The following TMOD2 variants were observed in gnomAD, a reference collection of about 807,000 sequenced individuals.
TMOD2 encodes tropomodulin 2.
Under a neutral mutation model 39.9 loss-of-function variants are expected in TMOD2, and 22 were observed. The observed-to-expected ratio is 0.55, with a 90% CI of 0.39 to 0.79. The LOEUF is 0.79. TMOD2 is among the 30% of genes least tolerant of loss of function. TMOD2 has a pLI of 0.00. For synonymous variants in TMOD2, 123 were observed against 146.1 expected, an observed-to-expected ratio of 0.84 and a Z score of 1.14; for missense variants, 386 against 413.3, an observed-to-expected ratio of 0.93 and a Z score of 0.57.
At chr15:51,795,428 C>CAA (rs35847443) in intron 7 of TMOD2, among the ~76,000 whole-genome samples, 81 of 104,538 alleles carry the variant, frequency 7.7e-4, no homozygotes, top group South Asian at 2.2e-3. Flanking sequence ...GACTTTGTCT[C>CAA]AAAAAAAAAA....
At chr15:51,777,482 C>T (rs1333610939) in intron 5 of TMOD2, among the ~76,000 whole-genome samples, 1 of 152,120 alleles carries the variant, frequency 6.6e-6, no homozygotes, top group Non-Finnish European at 1.5e-5. Context: ...GTCCACTTCC[C>T]TCAGAGGGCA....
intron 1 of TMOD2, among the ~76,000 whole-genome samples, chr15:51,758,158 G>GT (rs922712103): frequency 3.7e-4 from 55 of 149,488 alleles, no homozygotes; most frequent in African/African-American, 9.6e-4. Flanking sequence ...GAGGATGCAA[G>GT]TTTTTTTTTT....
At chr15:51,772,705 TGC>T (rs1008847151) in intron 3 of TMOD2, among the ~76,000 whole-genome samples, 3 of 152,152 alleles carry the variant, frequency 2.0e-5, no homozygotes, top group African/African-American at 7.2e-5. Context: ...CAATCATGCC[TGC>T]TTTGGAGACT....
intron 1 of TMOD2, among the ~76,000 whole-genome samples, chr15:51,758,921 G>A (rs1452618014): frequency 6.6e-6 from 1 of 152,206 alleles, no homozygotes; most frequent in Non-Finnish European, 1.5e-5. Context: ...AGGAGATGGG[G>A]AGTGCAGCAC....
At chr15:51,789,104 C>T (rs1485653533) in intron 7 of TMOD2, among the ~76,000 whole-genome samples, 2 of 151,956 alleles carry the variant, frequency 1.3e-5, no homozygotes, top group Admixed American at 1.3e-4. Flanking sequence ...TGTGCTGTAC[C>T]CAGGAGACCC....
At chr15:51,757,624 A>G (rs4502160) in intron 1 of TMOD2, among the ~76,000 whole-genome samples, 72,796 of 151,888 alleles carry the variant, frequency 0.48, 17,732 homozygotes, top group Admixed American at 0.54. Context: ...CATTAGCATC[A>G]TATTGCATGT....
chr15:51,755,180 T>G (rs576075934), intron 1 of TMOD2, among the ~76,000 whole-genome samples: 1 of 152,354 alleles, frequency 6.6e-6, no homozygotes, highest in African/African-American at 2.4e-5. Context: ...TACGTAACTT[T>G]AAGGCTTCGT....
At chr15:51,764,085 TAA>T (rs34484778) in intron 1 of TMOD2, among the ~76,000 whole-genome samples, 2,790 of 148,158 alleles carry the variant, frequency 0.019, 92 homozygotes, top group African/African-American at 0.065. Context: ...ATTAAAGATT[TAA>T]AAAAAAAAAA....
rs534687908 is a variant in TMOD2 at position 51,786,472 on chromosome 15, G to C, written c.732+3644G>C. On this transcript the variant is annotated intron_variant, in intron 7 of 9. Transcript: ENST00000249700. Reference sequence around the variant, plus strand: ...GAATCAGTGAAGCCCTGTGCAATTGGCATCCGTTTAGACATGTCCCCATTT... The same window carrying C: ...GAATCAGTGAAGCCCTGTGCAATTGCCATCCGTTTAGACATGTCCCCATTT... 4.6e-5 allele frequency among the ~76,000 whole-genome samples: 7 copies of C among 152,106 alleles called. No individual in the cohort carries two copies. In the South Asian group the frequency reaches 1.2e-3, roughly 27 times the overall value.
At position 51,768,367 on chromosome 15, in the gene TMOD2, T is replaced by G. The variant is rs1206052930; in HGVS notation, c.232T>G (p.Leu78Val). 6.2e-7 allele frequency: 1 copy of G among 1,613,994 alleles called. No individual in the cohort carries two copies. Among genetic ancestry groups the G allele is most frequent in the South Asian group, 1.1e-5 (1 of 91,070 alleles). ...CCTCATGTACCTGGAGAAGGAGGCT[T>G]TGGAACAGAAAGACAGAGAGGACTT... is the stretch of plus-strand genomic sequence containing the variant. Reference protein sequence around the residue: ...HLLMYLEKEALEQKDREDFVP... With the variant: ...HLLMYLEKEAVEQKDREDFVP... Residue 78 changes from leucine to valine, a missense_variant, in exon 3 of 10, where the codon TTG becomes GTG. Leu to Val is a conservative substitution (Grantham distance 32). Coordinates refer to ENST00000249700, the MANE Select transcript of TMOD2 (RefSeq NM_014548.4).
chr15:51,814,454 T>C lies in TMOD2; in HGVS notation c.*6000T>C, dbSNP rs1177540842. 1.3e-5 allele frequency: 2 copies of C among 152,378 alleles called. No homozygotes were observed. The highest frequency in any genetic ancestry group is 3.9e-4 in the East Asian group (2 of 5,188). 9.4% of individuals were successfully genotyped at this position (152,378 alleles called of 1,614,324 possible). On this transcript the variant is annotated 3_prime_UTR_variant, in exon 10 of 10. Coordinates refer to ENST00000249700, the MANE Select transcript of TMOD2 (RefSeq NM_014548.4). ...AAAGGTTTTGAAGCATGGCCTCCAA[T>C]GACTTTCATAAGCCCTTGGAGGCAG...
intron 5 of TMOD2, among the ~76,000 whole-genome samples, chr15:51,779,065 T>C (rs994580769): frequency 3.9e-4 from 59 of 151,804 alleles, no homozygotes; most frequent in Non-Finnish European, 7.4e-5. Context: ...CAAGCAATCC[T>C]TCCACTCAGC....
chr15:51,783,873 C>T (rs1276449683), intron 7 of TMOD2: 1 of 152,192 alleles, frequency 6.6e-6, no homozygotes. Context: ...CCCCTTGTCC[C>T]AGGTAAATAC....
intron 1 of TMOD2, among the ~76,000 whole-genome samples, chr15:51,763,214 C>T (rs1252175581): frequency 1.3e-5 from 2 of 152,228 alleles, no homozygotes; most frequent in Non-Finnish European, 2.9e-5. Flanking sequence ...ATTGGGACTA[C>T]AGGCGTGAGC....
At chr15:51,754,878 T>C (rs2055731685) in intron 1 of TMOD2, among the ~76,000 whole-genome samples, 1 of 152,224 alleles carries the variant, frequency 6.6e-6, no homozygotes, top group Non-Finnish European at 1.5e-5. Context: ...GAAAAATATC[T>C]TGAGGGGCTA....
Position 51,776,857 on chromosome 15 carries a change from C to T in TMOD2, c.407-75C>T. ...CTTTATGATGTAAAGAATTGTTCTT[C>T]AAGGGACAAATTAACAATGTGGACA... On this transcript the variant is annotated intron_variant, in intron 4 of 9. Coordinates refer to ENST00000249700, the MANE Select transcript of TMOD2 (RefSeq NM_014548.4). The T allele has an allele frequency of 2.5e-6, 3 of 1,218,614 alleles. No individual in the cohort carries two copies. The South Asian group carries it at 3.7e-5, about 15-fold the overall frequency. The allele number at this position is 1,218,614 out of a possible 1,614,324, so 75.5% of individuals were successfully genotyped here.
In TMOD2 at chr15:51,773,772, T is replaced by A. The variant is rs1183617894; in HGVS notation, c.344T>A (p.Leu115His). The A allele has an allele frequency of 6.2e-7, 1 of 1,613,658 alleles. No homozygotes were observed. Among genetic ancestry groups the A allele is most frequent in the Non-Finnish European group, 8.5e-7 (1 of 1,179,866 alleles). ...ACTCGTAAAGAAGAAAAAGTGACCC[T>A]TGACCCAGAACTGGAAGAAGCTTTG... ...IETRKEEKVT[L>H]DPELEEALAS... is the part of the protein sequence containing the mutation. The change falls in exon 4 of 10, where the codon CTT becomes CAT. Residue 115 changes from leucine (L) to histidine (H), a missense_variant. Leu to His is a moderately conservative substitution (Grantham distance 99). Transcript: ENST00000249700.
intron 1 of TMOD2, chr15:51,756,352 A>C (rs551833638): frequency 3.3e-5 from 5 of 152,224 alleles, no homozygotes; most frequent in Non-Finnish European, 7.3e-5. Flanking sequence ...CACCTAAAAC[A>C]CGAGATTATT....
intron 7 of TMOD2, among the ~76,000 whole-genome samples, chr15:51,794,363 A>G (rs548086342): frequency 6.6e-6 from 1 of 152,044 alleles, no homozygotes; most frequent in African/African-American, 2.4e-5. Context: ...TTTTTGTTCT[A>G]CTCCCCAGAA....
Sources: gnomAD v4.1 joint callset for allele counts (sites outside exome capture counted in the v4.1 genomes callset) on GRCh38, gnomAD v4.1.1 for gene constraint, MANE v1.5 for transcripts, NCBI Gene and HGNC (gene_info 2026-07-23, HGNC 2026-07-21) for gene names.